A4GALT: variants seen among roughly 807,000 people sequenced by gnomAD.
A4GALT encodes the protein lactosylceramide 4-alpha-galactosyltransferase.
For synonymous variants in A4GALT, 257 were observed against 220.7 expected (o/e 1.16, Z -1.46); for missense variants, 512 against 486.0 (o/e 1.05, Z -0.50).
chr22:42,715,868 T>G (rs1922131294), intron 1 of A4GALT, among the ~76,000 whole-genome samples: 1 of 143,302 alleles, frequency 7.0e-6, no homozygotes, highest in African/African-American at 2.6e-5. Context: ...GTTTCGCTCT[T>G]TTTGCCCAGG....
chr22:42,703,232 CT>C (rs1359286598), intron 1 of A4GALT, among the ~76,000 whole-genome samples: 6 of 142,904 alleles, frequency 4.2e-5, no homozygotes, highest in African/African-American at 7.9e-5. Context: ...AAGTAGTGGG[CT>C]TTTTTTTTGT....
At chr22:42,707,156 G>C (rs1921218747) in intron 1 of A4GALT, among the ~76,000 whole-genome samples, 2 of 152,102 alleles carry the variant, frequency 1.3e-5, no homozygotes, top group South Asian at 4.1e-4. Flanking sequence ...CTCTACCCTA[G>C]TGATAGATAC....
intron 1 of A4GALT, among the ~76,000 whole-genome samples, chr22:42,696,771 CT>C (rs1930962502): frequency 1.3e-5 from 2 of 151,768 alleles, no homozygotes; most frequent in South Asian, 4.2e-4. Flanking sequence ...ATGTGTCCCC[CT>C]GACCTCACGT....
At chr22:42,696,444 A>AG (rs1821968366) in intron 1 of A4GALT, among the ~76,000 whole-genome samples, 1 of 150,436 alleles carries the variant, frequency 6.6e-6, no homozygotes, top group Admixed American at 6.6e-5. Flanking sequence ...AAAAAAAAAG[A>AG]AAAAAGGAAA....
In A4GALT at chr22:42,720,815, CGGG is replaced by C. The variant is rs1922665500; in HGVS notation, c.-209_-207del. ...CTCGTACCTCTAGCTCCAGCGGCGG[CGGG>C]CGGCGGACAGCGGGGCCCCGGCGGG... On this transcript the variant is annotated 5_prime_UTR_variant, in exon 1 of 3. Coordinates refer to ENST00000642412, the MANE Select transcript of A4GALT (RefSeq NM_017436.7). 1.0e-5 allele frequency: 1 copy of C among 97,380 alleles called. No homozygotes were observed. The allele number at this position is 97,380 out of a possible 1,614,324, so 6.0% of individuals were successfully genotyped here. A position where few individuals can be genotyped will look rare whatever the true frequency, so the allele number is the denominator to read the frequency against.
At position 42,693,081 on chromosome 22, in the gene A4GALT, C is replaced by A. The variant is rs144824689; in HGVS notation, c.871G>T (p.Asp291Tyr). 43 of 1,612,342 alleles carry A rather than the reference C, an allele frequency of 2.7e-5. No individual in the cohort carries two copies. Among genetic ancestry groups the A allele is most frequent in the Non-Finnish European group, 3.3e-5 (39 of 1,178,960 alleles). ...ATGTCCTCAAAGTACTTCTTCCAGT[C>A]CTGCCAGGGGATGGGGTAGAAGGCC... The part of the protein sequence containing the change: ...PEAFYPIPWQ[D>Y]WKKYFEDINP... Residue 291 changes from aspartate (D) to tyrosine (Y), a missense_variant, in exon 3 of 3, where the codon GAC becomes TAC. Coordinates refer to ENST00000642412, the MANE Select transcript of A4GALT (RefSeq NM_017436.7).
intron 1 of A4GALT, among the ~76,000 whole-genome samples, chr22:42,698,018 AGGTG>A (rs1931053788): frequency 2.0e-5 from 3 of 151,960 alleles, no homozygotes; most frequent in Non-Finnish European, 2.9e-5. Context: ...TGGGAGGCTG[AGGTG>A]GGCGGATCAT....
chr22:42,701,952 C>T (rs1489646517), intron 1 of A4GALT, among the ~76,000 whole-genome samples: 1 of 152,174 alleles, frequency 6.6e-6, no homozygotes, highest in Non-Finnish European at 1.5e-5. Flanking sequence ...AAGGATAGCC[C>T]AGAAGTCAAT....
At chr22:42,710,523 T>A (rs1921586988) in intron 1 of A4GALT, among the ~76,000 whole-genome samples, 2 of 151,780 alleles carry the variant, frequency 1.3e-5, no homozygotes, top group African/African-American at 4.8e-5. Context: ...TGGTGAAACC[T>A]CATCTCCACA....
intron 1 of A4GALT, among the ~76,000 whole-genome samples, chr22:42,696,826 G>A (rs1601988864): frequency 6.6e-6 from 1 of 151,306 alleles, no homozygotes; most frequent in Non-Finnish European, 1.5e-5. Flanking sequence ...ACACCTGGCC[G>A]CCTGTTTTTC....
intron 1 of A4GALT, among the ~76,000 whole-genome samples, chr22:42,711,176 C>T (rs943058261): frequency 3.9e-5 from 6 of 152,168 alleles, no homozygotes. Flanking sequence ...CACACACATA[C>T]AAAATATGAC....
chr22:42,717,683 G>A (rs1922312380), intron 1 of A4GALT, among the ~76,000 whole-genome samples: 1 of 152,016 alleles, frequency 6.6e-6, no homozygotes, highest in Non-Finnish European at 1.5e-5. Context: ...TCATCAGAAA[G>A]CACACACACA....
intron 1 of A4GALT, among the ~76,000 whole-genome samples, chr22:42,703,595 A>G (rs575521631): frequency 3.9e-5 from 6 of 152,138 alleles, no homozygotes; most frequent in Non-Finnish European, 8.8e-5. Flanking sequence ...GTGCAGAACT[A>G]GGAAGCTGTC....
intron 1 of A4GALT, among the ~76,000 whole-genome samples, chr22:42,720,047 G>T (rs768531840): frequency 6.6e-6 from 1 of 152,174 alleles, no homozygotes; most frequent in Admixed American, 6.5e-5. Context: ...AGTGAAACGG[G>T]ATGGGCGCTG....
chr22:42,703,351 G>T (rs1403402109), intron 1 of A4GALT, among the ~76,000 whole-genome samples: 2 of 150,982 alleles, frequency 1.3e-5, no homozygotes, highest in Admixed American at 1.3e-4. Context: ...TGCCACCCGG[G>T]TTCAAGTGAT....
chr22:42,699,208 T>C (rs1343962687), intron 1 of A4GALT, among the ~76,000 whole-genome samples: 3 of 152,018 alleles, frequency 2.0e-5, no homozygotes, highest in Non-Finnish European at 4.4e-5. Flanking sequence ...CTCAGCCTCC[T>C]GAGTAGCTGG....
Position 42,709,464 on chromosome 22 carries a change from A to C in A4GALT, c.-188+11333T>G, listed in dbSNP as rs1046545588. 9.2e-5 allele frequency among the ~76,000 whole-genome samples: 14 copies of C among 152,180 alleles called. 1 individual carries two copies. The highest frequency in any genetic ancestry group is 3.4e-4 in the African/African-American group (14 of 41,434). The stretch of plus-strand genomic sequence containing the variant: ...ATATTATTGTAAAAATCCAAAATAA[A>C]ATATAAGCAAATAGAATTCAGCAGC... On this transcript the variant is annotated intron_variant, in intron 1 of 2. Coordinates refer to ENST00000642412, the MANE Select transcript of A4GALT (RefSeq NM_017436.7).
chr22:42,719,738 A>T (rs1468707445), intron 1 of A4GALT, among the ~76,000 whole-genome samples: 2 of 152,050 alleles, frequency 1.3e-5, no homozygotes, highest in Non-Finnish European at 2.9e-5. Context: ...ACAAAGGGGA[A>T]GTCTTTGGGC....
chr22:42,701,651 G>A (rs1215951511), intron 1 of A4GALT, among the ~76,000 whole-genome samples: 1 of 152,200 alleles, frequency 6.6e-6, no homozygotes, highest in African/African-American at 2.4e-5. Flanking sequence ...CCCTGCCTGT[G>A]GGCCCTGCTC....
Sources: gnomAD v4.1 joint callset for allele counts (sites outside exome capture counted in the v4.1 genomes callset) on GRCh38, gnomAD v4.1.1 for gene constraint, MANE v1.5 for transcripts, NCBI Gene and HGNC (gene_info 2026-07-23, HGNC 2026-07-21) for gene names.